The following TIAM2 variants were observed in gnomAD, a reference collection of about 807,000 sequenced individuals.
TIAM2 encodes TIAM Rac1 associated GEF 2.
In TIAM2, 80 loss-of-function variants were observed where a neutral mutation model predicts 152.9. That is an observed-to-expected ratio of 0.52 (90% CI 0.44 to 0.63). TIAM2 has a LOEUF of 0.63. TIAM2 is among the 30% of genes least tolerant of loss of function. The probability of loss-of-function intolerance (pLI) is 0.00; values close to 1 mark genes in which losing one functional copy is unlikely to be tolerated. For missense variants in TIAM2, 1,965 were observed against 2,120.1 expected, an observed-to-expected ratio of 0.93 and a Z score of 1.44; for synonymous variants, 804 against 838.0, an observed-to-expected ratio of 0.96 and a Z score of 0.70.
chr6:155,164,467 T>C lies in TIAM2; in HGVS notation c.2081T>C (p.Met694Thr), dbSNP rs1180054272. Reference sequence around the variant, plus strand: ...AAATTTCACATGGATCTGTTCAGGATGCGCTGCTATCTGGCCAGCCTACAA... The same window carrying C: ...AAATTTCACATGGATCTGTTCAGGACGCGCTGCTATCTGGCCAGCCTACAA... ...LEKFHMDLFR[M>T]RCYLASLQGG... The change falls in exon 8 of 27, where the codon ATG (methionine) becomes ACG (threonine). Residue 694 changes from methionine (M) to threonine (T), a missense_variant. By Grantham distance (81) the Met-to-Thr change is moderately conservative. Transcript: ENST00000682666. 1.2e-6 allele frequency: 2 copies of C among 1,614,114 alleles called. No individual in the cohort carries two copies. Among genetic ancestry groups the C allele is most frequent in the Non-Finnish European group, 8.5e-7 (1 of 1,179,994 alleles).
At position 155,137,545 on chromosome 6, in the gene TIAM2, G is replaced by A. The variant is rs1308004359; in HGVS notation, c.1563G>A (p.Val521=). The change falls in exon 5 of 27, where the codon GTG becomes GTA. Residue 521 remains valine, a synonymous_variant. Coordinates refer to ENST00000682666, the MANE Select transcript of TIAM2 (RefSeq NM_012454.4). ...TCTTCTTCAAGCCCCTGGTCACTGT[G>A]CAGAAGGAAAGGAAGCTTGAGCTGG... ...GWLFFKPLVT[V]QKERKLELVA... 1.2e-6 allele frequency: 2 copies of A among 1,613,388 alleles called. No homozygotes were observed. Among genetic ancestry groups the A allele is most frequent in the East Asian group, 2.2e-5 (1 of 44,868 alleles).
chr6:155,006,737 G>A lies in TIAM2; in HGVS notation c.-209+11245G>A, dbSNP rs192771101. Among the ~76,000 whole-genome samples, 12 of 151,124 alleles carry A rather than the reference G, an allele frequency of 7.9e-5. 2 individuals carry two copies. The highest frequency in any genetic ancestry group is 2.7e-4 in the African/African-American group (11 of 41,180). ...ACAGTGTTACTCTGTTGCCCAGGCT[G>A]GAGTGCAGTGGCGTGATCTCGGCTC... On this transcript the variant is annotated intron_variant, in intron 1 of 26. Transcript: ENST00000682666.
chr6:155,087,459 T>A (rs909874377), intron 1 of TIAM2, among the ~76,000 whole-genome samples: 3 of 152,168 alleles, frequency 2.0e-5, no homozygotes, highest in African/African-American at 7.2e-5. Context: ...TTTGAAAATA[T>A]TTTTTTCGGC....
At chr6:155,135,143 T>C (rs889977698) in intron 4 of TIAM2, among the ~76,000 whole-genome samples, 2 of 152,228 alleles carry the variant, frequency 1.3e-5, no homozygotes, top group African/African-American at 2.4e-5. Context: ...TAAATATGAC[T>C]GGAGATGCAG....
chr6:155,055,455 AAAAC>A lies in TIAM2; in HGVS notation c.-208-34830_-208-34827del, dbSNP rs1479981527. ...TTATCATGTTATGTCTTCAGTCACT[AAAAC>A]AAAATCATTAAAATATTGACTTCTT... is the stretch of plus-strand genomic sequence containing the variant. On this transcript the variant is annotated intron_variant, in intron 1 of 26. Coordinates refer to ENST00000682666, the MANE Select transcript of TIAM2 (RefSeq NM_012454.4). Among the ~76,000 whole-genome samples the A allele has an allele frequency of 7.2e-5, 11 of 152,348 alleles. No homozygotes were observed. The South Asian group carries it at 2.1e-3, about 29-fold the overall frequency.
intron 1 of TIAM2, among the ~76,000 whole-genome samples, chr6:155,043,381 C>A (rs1278382739): frequency 2.0e-5 from 3 of 152,044 alleles, no homozygotes; most frequent in African/African-American, 7.2e-5. Flanking sequence ...GTAATGCCAG[C>A]ACTTTTTGGG....
At chr6:155,192,369 T>C (rs1043135313) in intron 14 of TIAM2, among the ~76,000 whole-genome samples, 1 of 152,194 alleles carries the variant, frequency 6.6e-6, no homozygotes, top group African/African-American at 2.4e-5. Context: ...GGCAGACGTG[T>C]GTACAGACAG....
chr6:155,071,924 A>G (rs896892451), intron 1 of TIAM2, among the ~76,000 whole-genome samples: 1 of 152,026 alleles, frequency 6.6e-6, no homozygotes, highest in African/African-American at 2.4e-5. Flanking sequence ...TAATAAAATA[A>G]AAGTATTATT....
chr6:155,127,545 G>C lies in TIAM2; in HGVS notation c.-62G>C, dbSNP rs1167859839. ...GTTAAATGTGCTGTGTTGCTCCCAA[G>C]ACCATGTAAAGCCTACTGACCACTA... On this transcript the variant is annotated 5_prime_UTR_variant, in exon 3 of 27. Transcript: ENST00000682666. The C allele has an allele frequency of 1.1e-5, 5 of 455,866 alleles. No homozygotes were observed. Among genetic ancestry groups the C allele is most frequent in the South Asian group, 7.7e-5 (5 of 64,550 alleles). The allele number at this position is 455,866 out of a possible 1,614,324, so 28.2% of individuals were successfully genotyped here. A position where few individuals can be genotyped will look rare whatever the true frequency, so the allele number is the denominator to read the frequency against.
chr6:155,062,610 C>T (rs9480038), intron 1 of TIAM2, among the ~76,000 whole-genome samples: 22,906 of 139,558 alleles, frequency 0.16, 2,022 homozygotes, highest in Middle Eastern at 0.3. Flanking sequence ...CGGAGTCTTG[C>T]TCTTGTTGCC....
chr6:155,207,947 C>T (rs759430667), intron 14 of TIAM2, among the ~76,000 whole-genome samples: 5 of 152,120 alleles, frequency 3.3e-5, no homozygotes, highest in African/African-American at 4.8e-5. Context: ...ACTTGGCACC[C>T]GCTTTTGACA....
intron 1 of TIAM2, among the ~76,000 whole-genome samples, chr6:155,011,723 AC>A (rs1219221282): frequency 2.0e-5 from 3 of 152,228 alleles, no homozygotes; most frequent in African/African-American, 7.2e-5. Context: ...TGGCCAAGTC[AC>A]TAAAACCAGT....
chr6:155,168,925 T>G (rs1780508080), intron 9 of TIAM2: 1 of 1,527,004 alleles, frequency 6.5e-7, no homozygotes, highest in East Asian at 2.4e-5. Flanking sequence ...AGGTAAACTT[T>G]GCTATAGATG....
Position 155,194,493 on chromosome 6 carries a change from G to A in TIAM2, c.3064+10993G>A, listed in dbSNP as rs566328034. Among the ~76,000 whole-genome samples, 7 of 152,332 alleles carry A rather than the reference G, an allele frequency of 4.6e-5. No homozygotes were observed. In the South Asian group the frequency reaches 1.2e-3, roughly 27 times the overall value. On this transcript the variant is annotated intron_variant, in intron 14 of 26. Transcript: ENST00000682666. ...AAGGGTGGCCAGGCACCAATGGGCT[G>A]AGAGGTGGGTGGCACAGCATGGCAG...
At chr6:155,089,078 GA>G (rs554362794) in intron 1 of TIAM2, among the ~76,000 whole-genome samples, 41 of 151,492 alleles carry the variant, frequency 2.7e-4, no homozygotes, top group Non-Finnish European at 4.9e-4. Flanking sequence ...TTTAAACAAT[GA>G]AAAAAAAGAG....
intron 9 of TIAM2, chr6:155,168,842 C>T (rs1780506012): frequency 6.5e-7 from 1 of 1,535,058 alleles, no homozygotes. Context: ...CCCCATCTGT[C>T]AGATATTTGA....
intron 19 of TIAM2, among the ~76,000 whole-genome samples, chr6:155,247,009 T>C (rs1012632822): frequency 7.9e-5 from 12 of 152,238 alleles, no homozygotes; most frequent in Admixed American, 4.6e-4. Flanking sequence ...ACACCCTTCA[T>C]GGCACTCAGA....
chr6:155,141,833 A>G (rs1200140981), intron 5 of TIAM2, among the ~76,000 whole-genome samples: 1 of 152,202 alleles, frequency 6.6e-6, no homozygotes, highest in Non-Finnish European at 1.5e-5. Flanking sequence ...CTCATAGAAA[A>G]GGTGGATTTG....
Position 155,155,383 on chromosome 6 carries a change from C to G in TIAM2, c.2028+7049C>G, listed in dbSNP as rs58015116. 1.4e-3 allele frequency among the ~76,000 whole-genome samples: 220 copies of G among 152,316 alleles called. 1 individual carries two copies. Among genetic ancestry groups the G allele is most frequent in the African/African-American group, 5.0e-3 (208 of 41,566 alleles). Reference sequence around the variant, plus strand: ...TAGAGATGGGATTGGCCATGCTGGTCTCAAACTCCTGACCTCAACTGATCC... The same window carrying G: ...TAGAGATGGGATTGGCCATGCTGGTGTCAAACTCCTGACCTCAACTGATCC... On this transcript the variant is annotated intron_variant, in intron 7 of 26. Transcript: ENST00000682666.
Sources: allele counts gnomAD v4.1 joint callset (sites outside exome capture counted in the v4.1 genomes callset), GRCh38; gene constraint gnomAD v4.1.1; transcripts MANE v1.5; gene names NCBI Gene and HGNC (gene_info 2026-07-23, HGNC 2026-07-21).